Variants in UBE2V2 observed in about 807,000 individuals in gnomAD.
UBE2V2 encodes the protein ubiquitin-conjugating enzyme E2 variant 2.
In UBE2V2, 9 loss-of-function variants were observed where a neutral mutation model predicts 17.2. That is an observed-to-expected ratio of 0.52 (90% CI 0.32 to 0.91). UBE2V2 has a LOEUF of 0.91. Ranked by LOEUF, UBE2V2 falls within the 40% of genes least tolerant of loss-of-function variation. The pLI, the probability that UBE2V2 is intolerant of heterozygous loss-of-function variation, is 0.04. For missense variants in UBE2V2, 133 were observed against 182.6 expected, an observed-to-expected ratio of 0.73 and a Z score of 1.56; for synonymous variants, 61 against 57.5, an observed-to-expected ratio of 1.06 and a Z score of -0.28.
intron 1 of UBE2V2, among the ~76,000 whole-genome samples, chr8:48,018,311 A>G (rs944189795): frequency 6.6e-5 from 10 of 152,354 alleles, no homozygotes; most frequent in African/African-American, 2.4e-4. Context: ...TCTGTCTTAA[A>G]ACTGCTTTTG....
chr8:48,000,373 A>G, the UBE2V2 span, among the ~76,000 whole-genome samples: 1 of 152,248 alleles, frequency 6.6e-6, no homozygotes, highest in African/African-American at 2.4e-5. Context: ...TGTGCAGCTC[A>G]GTCCTCTCTT....
chr8:48,007,738 T>A (rs1002149110), upstream of UBE2V2, among the ~76,000 whole-genome samples: 6 of 16,592 alleles, frequency 3.6e-4, no homozygotes, highest in African/African-American at 1.3e-3. Flanking sequence ...TTTTTCTTTC[T>A]TTCTTTTTTT....
chr8:48,032,103 C>CA (rs1438440059), intron 1 of UBE2V2, among the ~76,000 whole-genome samples: 1 of 151,950 alleles, frequency 6.6e-6, no homozygotes, highest in Non-Finnish European at 1.5e-5. Flanking sequence ...TGATCAAAGA[C>CA]AGTATTTAAA....
At position 48,034,363 on chromosome 8, in the gene UBE2V2, G is replaced by A. The variant is rs546259682; in HGVS notation, c.17-8670G>A. 3.9e-5 allele frequency among the ~76,000 whole-genome samples: 6 copies of A among 152,240 alleles called. 1 individual carries two copies. The highest frequency in any genetic ancestry group is 1.2e-4 in the African/African-American group (5 of 41,540). On this transcript the variant is annotated intron_variant, in intron 1 of 3. Coordinates refer to ENST00000523111, the MANE Select transcript of UBE2V2 (RefSeq NM_003350.3). ...GCTGGTCTCGAACTCCTGACCTTGT[G>A]ATCCCCCTGCCTTGGCCTCCCAAAG...
chr8:48,047,748 A>T (rs781106122), intron 2 of UBE2V2, among the ~76,000 whole-genome samples: 1 of 152,004 alleles, frequency 6.6e-6, no homozygotes, highest in African/African-American at 2.4e-5. Flanking sequence ...GGGTTTCACC[A>T]TGTTGGCCAG....
upstream of UBE2V2, among the ~76,000 whole-genome samples, chr8:48,006,078 A>T (rs183751655): frequency 5.6e-3 from 849 of 152,248 alleles, 4 homozygotes; most frequent in Middle Eastern, 0.02. Context: ...TTAGTCATGA[A>T]GTCTTTGCCC....
intron 1 of UBE2V2, among the ~76,000 whole-genome samples, chr8:48,009,368 T>C (rs1240926912): frequency 1.3e-5 from 2 of 151,138 alleles, no homozygotes; most frequent in Non-Finnish European, 2.9e-5. Flanking sequence ...CAGGTTCAAG[T>C]GATTCTCCTG....
At chr8:47,999,909 G>T in the UBE2V2 span, among the ~76,000 whole-genome samples, 1 of 152,184 alleles carries the variant, frequency 6.6e-6, no homozygotes, top group Non-Finnish European at 1.5e-5. Context: ...GGTTGTGATC[G>T]ATTGAGCAAG....
intron 2 of UBE2V2, among the ~76,000 whole-genome samples, chr8:48,045,551 CA>C (rs1200485248): frequency 8.5e-5 from 13 of 152,156 alleles, no homozygotes; most frequent in African/African-American, 2.9e-4. Flanking sequence ...GGGTCTGCTT[CA>C]GGGGAGAAGG....
intron 2 of UBE2V2, among the ~76,000 whole-genome samples, chr8:48,044,165 T>C (rs1288234952): frequency 2.0e-5 from 3 of 152,042 alleles, no homozygotes; most frequent in African/African-American, 7.2e-5. Flanking sequence ...ATGATGATGA[T>C]GATGATGATT....
chr8:48,008,174 G>C (rs1231006329), upstream of UBE2V2, among the ~76,000 whole-genome samples: 1 of 151,920 alleles, frequency 6.6e-6, no homozygotes, highest in Non-Finnish European at 1.5e-5. Context: ...CGATCGCCTC[G>C]GCCTCCCAAA....
rs578114987 is a variant in UBE2V2, at chr8:48,035,107, CTTTTTTTTTT to C, written c.17-7910_17-7901del. ...TAGCATTGCTGCTTCCCTATTTATTCTTTTTTTTTTTTTTTTTTTTTTTTTGGAGGTGGAG... is the reference window on the plus strand; with the variant it reads ...TAGCATTGCTGCTTCCCTATTTATTCTTTTTTTTTTTTTTTGGAGGTGGAG... On this transcript the variant is annotated intron_variant, in intron 1 of 3. Coordinates refer to ENST00000523111, the MANE Select transcript of UBE2V2 (RefSeq NM_003350.3). The C allele has an allele frequency of 2.0e-5, 17 of 855,614 alleles. No individual in the cohort carries two copies. The African/African-American group carries it at 2.4e-4, about 12-fold the overall frequency. 53.0% of individuals were successfully genotyped at this position (855,614 alleles called of 1,614,324 possible).
At position 48,063,212 on chromosome 8, in the gene UBE2V2, G is replaced by C. The variant is rs369520441; in HGVS notation, c.*2384G>C. The C allele has an allele frequency of 6.6e-6, 1 of 152,156 alleles. No homozygotes were observed. Among genetic ancestry groups the C allele is most frequent in the East Asian group, 1.9e-4 (1 of 5,190 alleles). The allele number at this position is 152,156 out of a possible 1,614,324, so 9.4% of individuals were successfully genotyped here. A position where few individuals can be genotyped will look rare whatever the true frequency, so the allele number is the denominator to read the frequency against. Reference sequence around the variant, plus strand: ...CCCTATAATGTTCATTTCCCCTCTTGTTTGTGGGATTATGGATCTCTGCAG... The same window carrying C: ...CCCTATAATGTTCATTTCCCCTCTTCTTTGTGGGATTATGGATCTCTGCAG... On this transcript the variant is annotated 3_prime_UTR_variant, in exon 4 of 4. Coordinates refer to ENST00000523111, the MANE Select transcript of UBE2V2 (RefSeq NM_003350.3).
At chr8:48,040,504 T>G (rs1563856190) in intron 1 of UBE2V2, among the ~76,000 whole-genome samples, 1 of 152,222 alleles carries the variant, frequency 6.6e-6, no homozygotes, top group Non-Finnish European at 1.5e-5. Context: ...ATATATGATA[T>G]GTCTGCTTTG....
At chr8:48,034,072 A>G (rs1305331207) in intron 1 of UBE2V2, among the ~76,000 whole-genome samples, 1 of 150,576 alleles carries the variant, frequency 6.6e-6, no homozygotes, top group Non-Finnish European at 1.5e-5. Context: ...TCCAGCTCCA[A>G]CCTTGGTAAC....
intron 3 of UBE2V2, among the ~76,000 whole-genome samples, chr8:48,053,131 C>T (rs764049867): frequency 2.0e-5 from 3 of 152,092 alleles, no homozygotes; most frequent in Non-Finnish European, 2.9e-5. Flanking sequence ...TCCTGACCCG[C>T]GTTGGCCTCC....
At chr8:48,008,919 T>C (rs2091206476) in intron 1 of UBE2V2, among the ~76,000 whole-genome samples, 1 of 152,122 alleles carries the variant, frequency 6.6e-6, no homozygotes, top group Non-Finnish European at 1.5e-5. Context: ...GGACTCTCCT[T>C]GACATGGGTT....
chr8:48,023,415 C>T (rs1431130193), intron 1 of UBE2V2, among the ~76,000 whole-genome samples: 2 of 151,398 alleles, frequency 1.3e-5, no homozygotes, highest in African/African-American at 4.8e-5. Flanking sequence ...GGGGTTTCAC[C>T]ATGTTTGCCA....
chr8:48,015,723 T>C (rs1442552175), intron 1 of UBE2V2, among the ~76,000 whole-genome samples: 1 of 152,100 alleles, frequency 6.6e-6, no homozygotes, highest in Non-Finnish European at 1.5e-5. Flanking sequence ...ACTCCATATA[T>C]GAGTGAGATA....
Sources: allele counts gnomAD v4.1 joint callset (sites outside exome capture counted in the v4.1 genomes callset), GRCh38; gene constraint gnomAD v4.1.1; transcripts MANE v1.5; gene names NCBI Gene and HGNC (gene_info 2026-07-23, HGNC 2026-07-21).